Variants in SLC9B2 observed in about 807,000 individuals in gnomAD.
The protein encoded by SLC9B2 is solute carrier family 9 member B2.
In SLC9B2, 39 loss-of-function variants were observed where a neutral mutation model predicts 52.2. That is an observed-to-expected ratio of 0.75 (90% CI 0.58 to 0.98). The LOEUF (loss-of-function observed/expected upper bound fraction) is 0.98, where lower values mean the gene tolerates loss of function less well. SLC9B2 is among the 50% of genes least tolerant of loss of function. SLC9B2 has a pLI of 0.00. For missense variants in SLC9B2, 626 were observed against 637.5 expected (o/e 0.98, Z 0.19); for synonymous variants, 214 against 227.0 (o/e 0.94, Z 0.51).
At chr4:103,049,612 C>T in intron 5 of SLC9B2, among the ~76,000 whole-genome samples, 1 of 152,086 alleles carries the variant, frequency 6.6e-6, no homozygotes, top group East Asian at 1.9e-4. Flanking sequence ...TGTTTTCTCC[C>T]CTGTGAGCAT....
chr4:103,063,445 A>G (rs1439535051), intron 3 of SLC9B2, among the ~76,000 whole-genome samples: 1 of 152,218 alleles, frequency 6.6e-6, no homozygotes, highest in Non-Finnish European at 1.5e-5. Context: ...AAGTATAACT[A>G]TGGAATTGAG....
downstream of SLC9B2, among the ~76,000 whole-genome samples, chr4:103,019,401 G>A (rs72941795): frequency 1.8e-3 from 279 of 152,352 alleles, no homozygotes; most frequent in African/African-American, 6.5e-3. Flanking sequence ...GGATGACGGA[G>A]TAAGGAAAGG....
chr4:103,018,254 G>A (rs1302407914), downstream of SLC9B2, among the ~76,000 whole-genome samples: 2 of 152,120 alleles, frequency 1.3e-5, no homozygotes, highest in Non-Finnish European at 1.5e-5. Flanking sequence ...TCTAGTAATT[G>A]GCAGGACCTT....
At chr4:103,056,093 C>T (rs892219628) in intron 4 of SLC9B2, among the ~76,000 whole-genome samples, 5 of 151,942 alleles carry the variant, frequency 3.3e-5, no homozygotes, top group East Asian at 1.9e-4. Flanking sequence ...CGTGAGCCAC[C>T]GCACCTGGCC....
At chr4:103,040,161 C>G (rs1021031242) in intron 9 of SLC9B2, among the ~76,000 whole-genome samples, 1 of 152,180 alleles carries the variant, frequency 6.6e-6, no homozygotes, top group South Asian at 2.1e-4. Flanking sequence ...ACTGACAGAT[C>G]TGACTACATG....
In SLC9B2 at chr4:103,047,192, C is replaced by A; in HGVS notation, c.748G>T (p.Val250Leu). 2 of 1,613,632 alleles carry A rather than the reference C, an allele frequency of 1.2e-6. No individual in the cohort carries two copies. Among genetic ancestry groups the A allele is most frequent in the Middle Eastern group, 1.7e-4 (1 of 6,060 alleles). ...VLGAVSPAVV[V>L]PSMLLLQGGG... is the part of the protein sequence containing the mutation. ...CCCTGCAAAAGGAGCATTGAAGGCA[C>A]CACAACAGCTGGAGATACAGCACCT... The change falls in exon 7 of 12, where the codon GTG becomes TTG. Residue 250 changes from valine (V) to leucine (L), a missense_variant. Physicochemically the swap from Val to Leu is conservative, Grantham distance 32. Coordinates refer to ENST00000394785, the MANE Select transcript of SLC9B2 (RefSeq NM_178833.7).
intron 1 of SLC9B2, among the ~76,000 whole-genome samples, chr4:103,067,796 C>A (rs1746280901): frequency 6.6e-6 from 1 of 151,576 alleles, no homozygotes; most frequent in South Asian, 2.1e-4. Context: ...TTTTATTTTT[C>A]TTGAAAAAGC....
rs550660499 is a variant in SLC9B2 at position 103,024,855 on chromosome 4, T to C, written c.*1515A>G. ...AGAGATGGCCTGTTACAAAGTAGGATAAAATATGACCTATGCAGGTAAGTC... is the reference window on the plus strand; with the variant it reads ...AGAGATGGCCTGTTACAAAGTAGGACAAAATATGACCTATGCAGGTAAGTC... On this transcript the variant is annotated 3_prime_UTR_variant, in exon 12 of 12. Coordinates refer to ENST00000394785, the MANE Select transcript of SLC9B2 (RefSeq NM_178833.7). 2.0e-5 allele frequency among the ~76,000 whole-genome samples: 3 copies of C among 152,348 alleles called. No homozygotes were observed. The South Asian group carries it at 6.2e-4, about 32-fold the overall frequency.
At chr4:103,064,520 G>A (rs1456110724) in intron 3 of SLC9B2, among the ~76,000 whole-genome samples, 4 of 152,158 alleles carry the variant, frequency 2.6e-5, no homozygotes, top group Non-Finnish European at 5.9e-5. Context: ...GTTATGGGGA[G>A]AGAGTGGTCA....
Position 103,026,128 on chromosome 4 carries a change from C to T in SLC9B2, c.*242G>A. ...GGTAGTACATTAAAGTAGATATGTC[C>T]TTATGCAAATTAAGATGGATGATGA... is the stretch of plus-strand genomic sequence containing the variant. On this transcript the variant is annotated 3_prime_UTR_variant, in exon 12 of 12. Transcript: ENST00000394785. 2.6e-6 allele frequency: 1 copy of T among 388,402 alleles called. No individual in the cohort carries two copies. Among genetic ancestry groups the T allele is most frequent in the Non-Finnish European group, 4.6e-6 (1 of 215,194 alleles). The allele number at this position is 388,402 out of a possible 1,614,324, so 24.1% of individuals were successfully genotyped here. A position where few individuals can be genotyped will look rare whatever the true frequency, so the allele number is the denominator to read the frequency against.
chr4:103,071,214 G>GT (rs1478061184), intron 1 of SLC9B2, among the ~76,000 whole-genome samples: 4 of 151,142 alleles, frequency 2.6e-5, no homozygotes, highest in African/African-American at 9.7e-5. Flanking sequence ...TGTTGTTGTT[G>GT]TTTTTTTGAG....
intron 9 of SLC9B2, among the ~76,000 whole-genome samples, chr4:103,039,028 T>A (rs929977342): frequency 1.3e-5 from 2 of 152,246 alleles, no homozygotes; most frequent in Non-Finnish European, 2.9e-5. Flanking sequence ...CTGTAGAATT[T>A]ACAAGTGTGT....
At chr4:103,043,920 C>T (rs1578453502) in intron 8 of SLC9B2, among the ~76,000 whole-genome samples, 1 of 152,068 alleles carries the variant, frequency 6.6e-6, no homozygotes, top group African/African-American at 2.4e-5. Flanking sequence ...ATTTGACGCC[C>T]CCTTGGTTTT....
At chr4:103,077,053 G>C (rs1209122058), upstream of SLC9B2, 1 of 152,230 alleles carries the variant, frequency 6.6e-6, no homozygotes, top group Non-Finnish European at 1.5e-5. Context: ...TCTATCAGCA[G>C]TGTGATTCTA....
At chr4:103,043,624 C>A (rs951886834) in intron 8 of SLC9B2, among the ~76,000 whole-genome samples, 179 bp from the exon 9 acceptor site, 11 of 152,176 alleles carry the variant, frequency 7.2e-5, no homozygotes, top group African/African-American at 2.7e-4. Context: ...AGAGTTAGCA[C>A]ACTGCAATGG....
intron 6 of SLC9B2, among the ~76,000 whole-genome samples, chr4:103,048,391 A>G (rs990895445): frequency 6.6e-6 from 1 of 152,224 alleles, no homozygotes; most frequent in Non-Finnish European, 1.5e-5. Context: ...AGACTTAACC[A>G]TGAGAAGAAT....
chr4:103,026,390 C>T lies in SLC9B2; in HGVS notation c.1594G>A (p.Glu532Lys), dbSNP rs573118830. The stretch of plus-strand genomic sequence containing the variant: ...CACCTCTAAACTTGCACAGAAGTCT[C>T]TCCTTGAACTTCTTCATCTTTATTT... Reference protein sequence around the residue: ...HQNKDEEVQGETSVQV With the variant: ...HQNKDEEVQGKTSVQV The change falls in exon 12 of 12, where the codon GAG becomes AAG. Residue 532 changes from glutamate to lysine, a missense_variant. Physicochemically the swap from Glu to Lys is moderately conservative, Grantham distance 56. Transcript: ENST00000394785. The T allele has an allele frequency of 1.3e-5, 21 of 1,612,920 alleles. No homozygotes were observed. In the African/African-American group the frequency reaches 2.4e-4, roughly 18 times the overall value.
rs1273459821 is a variant in SLC9B2, at chr4:103,026,352, C to A, written c.*18G>T. The A allele has an allele frequency of 6.3e-7, 1 of 1,584,336 alleles. No homozygotes were observed. The highest frequency in any genetic ancestry group is 1.4e-5 in the African/African-American group (1 of 73,844). ...GCAGCTTTCTAAACATTATGTTCAG[C>A]ACTCTCTCTTTTCACCTCTAAACTT... is the stretch of plus-strand genomic sequence containing the variant. On this transcript the variant is annotated 3_prime_UTR_variant, in exon 12 of 12. Transcript: ENST00000394785.
chr4:103,029,015 T>C, intron 10 of SLC9B2, 132 bp from the exon 11 acceptor site: 1 of 742,582 alleles, frequency 1.3e-6, no homozygotes, highest in Non-Finnish European at 2.1e-6. Flanking sequence ...ACAAAAATGT[T>C]TAGGAAGAAT....
Sources: allele counts gnomAD v4.1 joint callset (sites outside exome capture counted in the v4.1 genomes callset), GRCh38; gene constraint gnomAD v4.1.1; transcripts MANE v1.5; gene names NCBI Gene and HGNC (gene_info 2026-07-23, HGNC 2026-07-21).